The following NDST4 variants were observed in gnomAD, a reference collection of about 807,000 sequenced individuals.
The protein encoded by NDST4 is N-deacetylase and N-sulfotransferase 4.
In NDST4, 63 loss-of-function variants were observed where a neutral mutation model predicts 100.8. The ratio of observed to expected loss-of-function variants is 0.62; its 90% CI spans 0.51 to 0.77. The LOEUF (loss-of-function observed/expected upper bound fraction) is 0.77. NDST4 is among the 30% of genes least tolerant of loss of function. The probability of loss-of-function intolerance (pLI) is 0.00; values close to 1 mark genes in which losing one functional copy is unlikely to be tolerated. For missense variants in NDST4, 943 were observed against 1,018.4 expected (o/e 0.93, Z 1.01); for synonymous variants, 377 against 361.8 (o/e 1.04, Z -0.48).
At chr4:114,995,534 C>T (rs1360569482) in intron 2 of NDST4, among the ~76,000 whole-genome samples, 1 of 152,026 alleles carries the variant, frequency 6.6e-6, no homozygotes, top group African/African-American at 2.4e-5. Context: ...CATACATGTA[C>T]AGTCATTTTG....
intron 8 of NDST4, among the ~76,000 whole-genome samples, chr4:114,849,952 G>A (rs976123957): frequency 3.3e-5 from 5 of 152,070 alleles, no homozygotes; most frequent in Admixed American, 1.3e-4. Context: ...GTTTAAAAAC[G>A]AGAAAATGTG....
intron 6 of NDST4, among the ~76,000 whole-genome samples, chr4:114,927,922 G>T (rs960358407): frequency 3.9e-5 from 6 of 152,076 alleles, no homozygotes; most frequent in African/African-American, 1.4e-4. Flanking sequence ...AGAGTCAGCT[G>T]GGAAAGTAGG....
chr4:115,110,287 A>G (rs142283746), intron 1 of NDST4, among the ~76,000 whole-genome samples: 11 of 152,040 alleles, frequency 7.2e-5, no homozygotes, highest in African/African-American at 2.2e-4. Flanking sequence ...ATAACAGCAT[A>G]GCTGAAAGTT....
intron 2 of NDST4, among the ~76,000 whole-genome samples, chr4:115,023,833 C>T (rs767708556): frequency 6.6e-6 from 1 of 152,076 alleles, no homozygotes; most frequent in Non-Finnish European, 1.5e-5. Flanking sequence ...TTATGACAGG[C>T]CCATGCTATA....
chr4:115,105,894 T>A (rs1221436262), intron 1 of NDST4, among the ~76,000 whole-genome samples: 1 of 152,170 alleles, frequency 6.6e-6, no homozygotes, highest in African/African-American at 2.4e-5. Flanking sequence ...CTTTTAGCTT[T>A]TTTCCTTTAA....
At chr4:115,099,339 T>A (rs1163441092) in intron 1 of NDST4, among the ~76,000 whole-genome samples, 4 of 152,052 alleles carry the variant, frequency 2.6e-5, no homozygotes, top group Non-Finnish European at 5.9e-5. Context: ...AGTAATAAAC[T>A]TTTGCTCGGT....
intron 2 of NDST4, among the ~76,000 whole-genome samples, chr4:115,051,297 TG>T (rs1186519959): frequency 5.5e-4 from 83 of 152,166 alleles, no homozygotes; most frequent in African/African-American, 1.7e-3. Context: ...TTTTTTATTT[TG>T]TTTTTTTTTA....
chr4:115,031,111 C>T (rs946389264), intron 2 of NDST4, among the ~76,000 whole-genome samples: 10 of 152,078 alleles, frequency 6.6e-5, no homozygotes, highest in Non-Finnish European at 1.5e-4. Flanking sequence ...AATGTATTCC[C>T]TTTAAAAACT....
At chr4:114,963,365 C>T (rs988496215) in intron 4 of NDST4, among the ~76,000 whole-genome samples, 1 of 152,122 alleles carries the variant, frequency 6.6e-6, no homozygotes, top group African/African-American at 2.4e-5. Context: ...ACTTATATCC[C>T]ACGTCCAGTA....
intron 2 of NDST4, among the ~76,000 whole-genome samples, chr4:114,984,604 A>G (rs914589374): frequency 1.6e-4 from 25 of 152,158 alleles, no homozygotes; most frequent in Non-Finnish European, 3.7e-4. Flanking sequence ...ATGATATGGG[A>G]ATCAGAAGAG....
intron 2 of NDST4, among the ~76,000 whole-genome samples, chr4:115,016,995 A>ATG (rs140090585): frequency 0.026 from 3,845 of 146,280 alleles, 96 homozygotes; most frequent in South Asian, 0.067. Flanking sequence ...TCATGTGTGT[A>ATG]TGTGTGTGTG....
intron 6 of NDST4, among the ~76,000 whole-genome samples, chr4:114,884,678 A>C (rs749580827): frequency 6.6e-6 from 1 of 152,168 alleles, no homozygotes; most frequent in Non-Finnish European, 1.5e-5. Context: ...ACTTTTCAGA[A>C]ATATTAATTT....
At chr4:115,014,663 G>T (rs759160321) in intron 2 of NDST4, among the ~76,000 whole-genome samples, 1 of 152,046 alleles carries the variant, frequency 6.6e-6, no homozygotes, top group Non-Finnish European at 1.5e-5. Flanking sequence ...CAAATCAATG[G>T]TGCTTGGAGT....
rs1725652254 is a variant in NDST4 at position 114,937,390 on chromosome 4, G to T, written c.1335C>A (p.Val445=). The change falls in exon 5 of 14, where the codon GTC becomes GTA. Residue 445 remains valine (V), a synonymous_variant. Transcript: ENST00000264363. Reference sequence around the variant, plus strand: ...GATGTGGATATTCTTCAGTGCTGGTGACTTGAATACCCCAGACCTTCTTCC... The same window carrying T: ...GATGTGGATATTCTTCAGTGCTGGTTACTTGAATACCCCAGACCTTCTTCC... The part of the protein sequence containing the change: ...AAWKKVWGIQ[V]TSTEEYPHLK... 1 of 1,614,006 alleles carries T rather than the reference G, an allele frequency of 6.2e-7. No homozygotes were observed. Among genetic ancestry groups the T allele is most frequent in the African/African-American group, 1.3e-5 (1 of 74,918 alleles).
chr4:114,832,520 G>C (rs1723222059), intron 12 of NDST4, among the ~76,000 whole-genome samples: 1 of 151,998 alleles, frequency 6.6e-6, no homozygotes, highest in Admixed American at 6.6e-5. Flanking sequence ...TTGTTATTCT[G>C]CTTCTTTTAC....
At chr4:114,833,790 G>T in intron 11 of NDST4, 75 bp from the exon 12 acceptor site, 1 of 863,788 alleles carries the variant, frequency 1.2e-6, no homozygotes, top group South Asian at 1.6e-5. Context: ...CCTTTACCTG[G>T]TGTGACATTC....
intron 12 of NDST4, among the ~76,000 whole-genome samples, 180 bp downstream of exon 12, chr4:114,833,426 T>C (rs1453433216): frequency 6.6e-6 from 1 of 152,224 alleles, no homozygotes; most frequent in East Asian, 1.9e-4. Flanking sequence ...CAAAATAAAG[T>C]ATTTCTCATA....
intron 2 of NDST4, among the ~76,000 whole-genome samples, chr4:115,050,062 T>C (rs1457575018): frequency 1.3e-5 from 2 of 152,128 alleles, no homozygotes; most frequent in Non-Finnish European, 2.9e-5. Flanking sequence ...TCTCACCTGA[T>C]ACCTTTACTT....
At position 114,935,274 on chromosome 4, in the gene NDST4, C is replaced by T; in HGVS notation, c.1468G>A (p.Gly490Arg). Reference protein sequence around the residue: ...THTIFYKEYPGGPQELDKSIR... With the variant: ...THTIFYKEYPRGPQELDKSIR... Reference sequence around the variant, plus strand: ...CTTTTATCCAGTTCTTGGGGTCCTCCTGGATATTCTTTGTAGAAAATAGTG... The same window carrying T: ...CTTTTATCCAGTTCTTGGGGTCCTCTTGGATATTCTTTGTAGAAAATAGTG... The change falls in exon 6 of 14, where the codon GGA becomes AGA. Residue 490 changes from glycine (G) to arginine (R), a missense_variant. Gly to Arg is a moderately radical substitution (Grantham distance 125). This residue lies in a region of NDST4 where 526 missense variants were observed against 634.1 expected (regional missense o/e 0.83). Transcript: ENST00000264363. The T allele has an allele frequency of 6.2e-7, 1 of 1,610,954 alleles. No individual in the cohort carries two copies. The highest frequency in any genetic ancestry group is 8.5e-7 in the Non-Finnish European group (1 of 1,178,680).
Sources: allele counts gnomAD v4.1 joint callset (sites outside exome capture counted in the v4.1 genomes callset), GRCh38; gene constraint gnomAD v4.1.1; regional missense constraint gnomAD v4.1.1; transcripts MANE v1.5; gene names NCBI Gene and HGNC (gene_info 2026-07-23, HGNC 2026-07-21).